GTF2E2: variants seen among roughly 807,000 people sequenced by gnomAD.
The protein encoded by GTF2E2 is general transcription factor IIE subunit 2.
A neutral mutation model predicts 40.5 loss-of-function variants in GTF2E2; 21 were observed. That is an observed-to-expected ratio of 0.52 (90% confidence interval 0.37 to 0.75). The LOEUF (loss-of-function observed/expected upper bound fraction) is 0.75. Ranked by LOEUF, GTF2E2 falls within the 30% of genes least tolerant of loss-of-function variation. The pLI is 0.00. For synonymous variants in GTF2E2, 117 were observed against 121.6 expected (o/e 0.96, Z 0.25); for missense variants, 298 against 338.4 (o/e 0.88, Z 0.94).
intron 2 of GTF2E2, among the ~76,000 whole-genome samples, chr8:30,635,518 G>T (rs531426253): frequency 6.6e-6 from 1 of 152,004 alleles, no homozygotes; most frequent in African/African-American, 2.4e-5. Flanking sequence ...GAGAGGCTGG[G>T]ACTACAGGTG....
intron 3 of GTF2E2, among the ~76,000 whole-genome samples, chr8:30,632,924 A>AATTTTGT (rs1320035484): frequency 6.6e-6 from 1 of 152,192 alleles, no homozygotes; most frequent in Non-Finnish European, 1.5e-5. Flanking sequence ...ATTTATGTCT[A>AATTTTGT]AGCACTTAAA....
intron 1 of GTF2E2, 74 bp from the exon 2 acceptor site, chr8:30,653,676 A>C: frequency 1.3e-5 from 13 of 1,019,830 alleles, no homozygotes; most frequent in African/African-American, 1.6e-5. Flanking sequence ...CACAGATCTC[A>C]ACAAGTTACT....
At chr8:30,591,088 A>G (rs1201787674) in intron 6 of GTF2E2, among the ~76,000 whole-genome samples, 1 of 152,236 alleles carries the variant, frequency 6.6e-6, no homozygotes, top group African/African-American at 2.4e-5. Context: ...TGTATCTCAC[A>G]ATGGCCTTGT....
intron 5 of GTF2E2, among the ~76,000 whole-genome samples, chr8:30,610,037 C>T (rs975170964): frequency 3.7e-4 from 56 of 152,186 alleles, no homozygotes; most frequent in African/African-American, 1.3e-3. Flanking sequence ...ATTATCCAGT[C>T]TCAAGCATTC....
At chr8:30,646,310 A>G (rs1279170443) in intron 2 of GTF2E2, among the ~76,000 whole-genome samples, 1 of 151,972 alleles carries the variant, frequency 6.6e-6, no homozygotes, top group Non-Finnish European at 1.5e-5. Flanking sequence ...TCTTATTTAT[A>G]CTCTCAAAGG....
rs1476762573 is a variant in GTF2E2, at chr8:30,608,027, T to G, written c.550-877A>C. Among the ~76,000 whole-genome samples the G allele has an allele frequency of 2.6e-5, 4 of 152,232 alleles. No homozygotes were observed. In the East Asian group the frequency reaches 7.7e-4, roughly 29 times the overall value. On this transcript the variant is annotated intron_variant, in intron 5 of 7. Coordinates refer to ENST00000355904, the MANE Select transcript of GTF2E2 (RefSeq NM_002095.6). Reference sequence around the variant, plus strand: ...GATTGGAAGAGTCTTCTTGTTGTCTTTTAACTTTCATTGAGTACACCTGAC... The same window carrying G: ...GATTGGAAGAGTCTTCTTGTTGTCTGTTAACTTTCATTGAGTACACCTGAC...
intron 6 of GTF2E2, among the ~76,000 whole-genome samples, chr8:30,599,123 G>A (rs1329833922): frequency 6.6e-6 from 1 of 152,204 alleles, no homozygotes; most frequent in Non-Finnish European, 1.5e-5. Context: ...ATTTATTACT[G>A]TGGAGGTATA....
chr8:30,594,183 C>T (rs1234661543), intron 6 of GTF2E2, among the ~76,000 whole-genome samples: 1 of 151,762 alleles, frequency 6.6e-6, no homozygotes, highest in Non-Finnish European at 1.5e-5. Flanking sequence ...CTGCCCACCT[C>T]GGCCTCCCAA....
chr8:30,625,533 G>A (rs1273665462), intron 3 of GTF2E2, among the ~76,000 whole-genome samples: 2 of 152,108 alleles, frequency 1.3e-5, no homozygotes, highest in African/African-American at 2.4e-5. Context: ...CAAATCAATG[G>A]TTTCATAAGG....
chr8:30,651,211 T>C (rs1456886218), intron 2 of GTF2E2, among the ~76,000 whole-genome samples: 5 of 151,696 alleles, frequency 3.3e-5, no homozygotes, highest in Non-Finnish European at 1.5e-5. Flanking sequence ...GCAAGATAAA[T>C]AAAAATTAAA....
intron 6 of GTF2E2, among the ~76,000 whole-genome samples, chr8:30,590,666 A>G (rs1440337988): frequency 6.6e-6 from 1 of 152,138 alleles, no homozygotes; most frequent in Non-Finnish European, 1.5e-5. Context: ...AAAGAAATAA[A>G]GATAAAGGAC....
chr8:30,604,087 G>T (rs572927547), intron 6 of GTF2E2, among the ~76,000 whole-genome samples: 2 of 152,160 alleles, frequency 1.3e-5, no homozygotes, highest in African/African-American at 4.8e-5. Flanking sequence ...CATTTTTAAA[G>T]AATCTACTAT....
intron 6 of GTF2E2, among the ~76,000 whole-genome samples, chr8:30,592,882 G>C (rs1828889993): frequency 6.6e-6 from 1 of 152,144 alleles, no homozygotes; most frequent in Non-Finnish European, 1.5e-5. Context: ...ATCCATCTTG[G>C]TGAATATTCC....
intron 6 of GTF2E2, among the ~76,000 whole-genome samples, chr8:30,583,099 C>T (rs60040594): frequency 0.22 from 33,755 of 151,882 alleles, 4,301 homozygotes; most frequent in South Asian, 0.39. Flanking sequence ...TTTGGGAGGC[C>T]GAGGAGGGTG....
chr8:30,597,928 G>A (rs1829058894), intron 6 of GTF2E2, among the ~76,000 whole-genome samples: 1 of 152,156 alleles, frequency 6.6e-6, no homozygotes, highest in Admixed American at 6.5e-5. Flanking sequence ...CAAAATTACT[G>A]TTTTAAAATG....
intron 3 of GTF2E2, among the ~76,000 whole-genome samples, chr8:30,628,713 C>T (rs190487853): frequency 2.2e-4 from 33 of 152,254 alleles, no homozygotes; most frequent in African/African-American, 6.0e-4. Flanking sequence ...AGGCAGATCA[C>T]GAAGTTAGGA....
intron 2 of GTF2E2, among the ~76,000 whole-genome samples, chr8:30,649,712 G>A (rs930150589): frequency 2.0e-5 from 3 of 152,120 alleles, no homozygotes; most frequent in Admixed American, 2.0e-4. Context: ...GAGCGTGGTG[G>A]CACACACCTG....
intron 2 of GTF2E2, among the ~76,000 whole-genome samples, chr8:30,638,162 C>A (rs1462907775): frequency 6.6e-6 from 1 of 151,954 alleles, no homozygotes; most frequent in African/African-American, 2.4e-5. Flanking sequence ...AAATTATATA[C>A]GGAACAAGTA....
intron 2 of GTF2E2, among the ~76,000 whole-genome samples, chr8:30,640,530 T>A (rs368370279): frequency 6.6e-6 from 1 of 152,218 alleles, no homozygotes; most frequent in Non-Finnish European, 1.5e-5. Context: ...CCCATTCCTG[T>A]AATCAAATTT....
Sources: gnomAD v4.1 joint callset for allele counts (sites outside exome capture counted in the v4.1 genomes callset) on GRCh38, gnomAD v4.1.1 for gene constraint, MANE v1.5 for transcripts, NCBI Gene and HGNC (gene_info 2026-07-23, HGNC 2026-07-21) for gene names.